The following ELAVL2 variants were observed in gnomAD, a reference collection of about 807,000 sequenced individuals.
ELAVL2 encodes the protein ELAV-like protein 2.
A neutral mutation model predicts 34.6 loss-of-function variants in ELAVL2; 4 were observed. That is an observed-to-expected ratio of 0.12 (90% CI 0.06 to 0.26). The LOEUF is 0.26. ELAVL2 is among the 10% of genes least tolerant of loss of function. The pLI is 1.00. For synonymous variants in ELAVL2, 193 were observed against 154.8 expected, an observed-to-expected ratio of 1.25 and a Z score of -1.83; for missense variants, 432 against 442.8, an observed-to-expected ratio of 0.98 and a Z score of 0.22.
chr9:23,819,379 C>G (rs1309625385), intron 1 of ELAVL2, among the ~76,000 whole-genome samples: 1 of 152,110 alleles, frequency 6.6e-6, no homozygotes, highest in African/African-American at 2.4e-5. Context: ...AAAAACACAT[C>G]TTAGGCCTAG....
chr9:23,837,853 C>G, the ELAVL2 span, among the ~76,000 whole-genome samples: 69 of 152,184 alleles, frequency 4.5e-4, no homozygotes, highest in South Asian at 0.014. Context: ...CTACTGCTGA[C>G]AAATAGAAGA....
At chr9:23,720,564 G>A (rs2043420103) in intron 3 of ELAVL2, among the ~76,000 whole-genome samples, 1 of 152,298 alleles carries the variant, frequency 6.6e-6, no homozygotes, top group African/African-American at 2.4e-5. Flanking sequence ...TAATTGTAAT[G>A]TTGAAGTATT....
chr9:23,717,269 T>C (rs2133926483), intron 3 of ELAVL2, among the ~76,000 whole-genome samples: 1 of 152,296 alleles, frequency 6.6e-6, no homozygotes, highest in South Asian at 2.1e-4. Flanking sequence ...CTTGATACCA[T>C]TTGTAAATAC....
intron 1 of ELAVL2, among the ~76,000 whole-genome samples, chr9:23,784,891 T>C (rs1329037): frequency 0.37 from 56,825 of 152,162 alleles, 11,488 homozygotes; most frequent in East Asian, 0.56. Context: ...AAATGCCAAG[T>C]ACTTCACTAG....
At chr9:23,777,913 T>C (rs1046955647) in intron 1 of ELAVL2, among the ~76,000 whole-genome samples, 9 of 152,108 alleles carry the variant, frequency 5.9e-5, no homozygotes, top group African/African-American at 2.2e-4. Flanking sequence ...TCCACCAAGG[T>C]TGACTACACA....
chr9:23,722,526 A>G (rs1421265491), intron 3 of ELAVL2, among the ~76,000 whole-genome samples: 1 of 152,190 alleles, frequency 6.6e-6, no homozygotes, highest in Non-Finnish European at 1.5e-5. Context: ...CTGGCACCTA[A>G]GAGATCTGGT....
upstream of ELAVL2, among the ~76,000 whole-genome samples, chr9:23,830,625 C>CACACACACACACACACA (rs1554774159): frequency 1.2e-3 from 164 of 141,962 alleles, no homozygotes; most frequent in Non-Finnish European, 1.6e-3. Context: ...CACACACACA[C>CACACACACACACACACA]CTTTTTTTTT....
At chr9:23,730,554 CATAA>C (rs979904265) in intron 3 of ELAVL2, among the ~76,000 whole-genome samples, 104 of 152,174 alleles carry the variant, frequency 6.8e-4, no homozygotes, top group African/African-American at 2.5e-3. Context: ...TTTCATTGCC[CATAA>C]ATAAAGTTTT....
chr9:23,752,477 T>A (rs1351987014), intron 2 of ELAVL2, among the ~76,000 whole-genome samples: 1 of 151,960 alleles, frequency 6.6e-6, no homozygotes, highest in Non-Finnish European at 1.5e-5. Flanking sequence ...TTTTGTTTTT[T>A]TTTTTTGAGA....
chr9:23,711,488 A>G (rs1263087085), intron 3 of ELAVL2, among the ~76,000 whole-genome samples: 5 of 152,204 alleles, frequency 3.3e-5, no homozygotes, highest in African/African-American at 4.8e-5. Context: ...CCTCTTCCAT[A>G]CAAGTATACA....
intron 3 of ELAVL2, among the ~76,000 whole-genome samples, chr9:23,725,377 T>C (rs1002288499): frequency 1.2e-4 from 19 of 152,142 alleles, no homozygotes; most frequent in Admixed American, 1.2e-3. Context: ...AAAACTTCCA[T>C]GCCCTACTAA....
intron 1 of ELAVL2, among the ~76,000 whole-genome samples, chr9:23,786,173 T>G (rs2059653530): frequency 6.6e-6 from 1 of 152,188 alleles, no homozygotes; most frequent in Admixed American, 6.5e-5. Flanking sequence ...AAAGCCCACA[T>G]CGTGTGCACT....
intron 1 of ELAVL2, among the ~76,000 whole-genome samples, chr9:23,767,245 T>G (rs2056462036): frequency 6.6e-6 from 1 of 152,200 alleles, no homozygotes; most frequent in Non-Finnish European, 1.5e-5. Context: ...CTTTATGAAT[T>G]TTAACATCTA....
intron 2 of ELAVL2, among the ~76,000 whole-genome samples, chr9:23,756,913 C>T (rs555701301): frequency 2.0e-5 from 3 of 152,188 alleles, no homozygotes; most frequent in East Asian, 3.9e-4. Context: ...AGCCCAGGAC[C>T]GTGCATTTCT....
At chr9:23,792,367 A>AT (rs1258290849) in intron 1 of ELAVL2, among the ~76,000 whole-genome samples, 2 of 152,212 alleles carry the variant, frequency 1.3e-5, no homozygotes, top group Non-Finnish European at 2.9e-5. Context: ...CCACTGAACC[A>AT]TGCCCCCTCG....
chr9:23,813,846 T>C (rs2063350818), intron 1 of ELAVL2, among the ~76,000 whole-genome samples: 2 of 152,050 alleles, frequency 1.3e-5, no homozygotes, highest in Non-Finnish European at 2.9e-5. Flanking sequence ...ATCAAACGAA[T>C]ATAAAACCTT....
upstream of ELAVL2, among the ~76,000 whole-genome samples, chr9:23,826,870 T>C (rs1392688325): frequency 6.6e-6 from 1 of 152,190 alleles, no homozygotes; most frequent in Non-Finnish European, 1.5e-5. Context: ...TATTAGATGT[T>C]AGGTAATTGT....
chr9:23,797,997 GAA>G (rs1465613089), intron 1 of ELAVL2, among the ~76,000 whole-genome samples: 1 of 152,164 alleles, frequency 6.6e-6, no homozygotes, highest in Non-Finnish European at 1.5e-5. Flanking sequence ...ATGATCAAGA[GAA>G]AAAGTTATTT....
intron 1 of ELAVL2, among the ~76,000 whole-genome samples, chr9:23,769,369 C>T (rs1313518275): frequency 6.6e-6 from 1 of 152,194 alleles, no homozygotes; most frequent in Non-Finnish European, 1.5e-5. Context: ...GCCCGACACA[C>T]ACCATTCCTA....
Sources: allele counts gnomAD v4.1 joint callset (sites outside exome capture counted in the v4.1 genomes callset), GRCh38; gene constraint gnomAD v4.1.1; transcripts MANE v1.5; gene names NCBI Gene and HGNC (gene_info 2026-07-23, HGNC 2026-07-21).